Variants in TSC2 observed in about 807,000 individuals in gnomAD.
TSC2 encodes the protein tuberin.
In TSC2, 29 loss-of-function variants were observed where a neutral mutation model predicts 202.2. The observed-to-expected ratio is 0.14, with a 90% CI of 0.11 to 0.20. The LOEUF (loss-of-function observed/expected upper bound fraction) is 0.20, where lower values mean the gene tolerates loss of function less well. Among genes scored for constraint, TSC2 ranks in the 10% least tolerant of loss-of-function variants. TSC2 has a pLI of 1.00. For synonymous variants in TSC2, 1,349 were observed against 1,044.0 expected (o/e 1.29, Z -5.63); for missense variants, 2,429 against 2,420.0 (o/e 1.00, Z -0.08).
chr16:2,084,329 G>C lies in TSC2; in HGVS notation c.4107G>C (p.Arg1369=), dbSNP rs201688447. Residue 1369 remains arginine, a synonymous_variant, in exon 34 of 42, where the codon CGG becomes CGC. Coordinates refer to ENST00000219476, the MANE Select transcript of TSC2 (RefSeq NM_000548.5). ...GAGTCGTCTCCTCGGAGGGTGGCCG[G>C]CCCTCTGTGGACCTCTCCTTCCAGC... is the stretch of plus-strand genomic sequence containing the variant. ...IERVVSSEGG[R]PSVDLSFQPS... 1.3e-5 allele frequency: 21 copies of C among 1,612,576 alleles called. No individual in the cohort carries two copies. The Admixed American group carries it at 3.5e-4, about 27-fold the overall frequency.
At chr16:2,084,910 C>T (rs767398221) in intron 34 of TSC2, 41 bp from the exon 35 acceptor site, 2 of 1,611,590 alleles carry the variant, frequency 1.2e-6, no homozygotes, top group East Asian at 2.2e-5. Context: ...CTGCCCTGGC[C>T]AGGCCCTCAC....
At position 2,079,075 on chromosome 16, in the gene TSC2, G is replaced by C. The variant is rs2151431461; in HGVS notation, c.3010G>C (p.Asp1004His). ...SLTSASLGSADENSVAQADDS... is the reference protein window; with the variant it reads ...SLTSASLGSAHENSVAQADDS... ...CACCAGTGCCAGCTTGGGGTCTGCA[G>C]ATGAGAACTCCGTGGCCCAGGCTGA... is the stretch of plus-strand genomic sequence containing the variant. Residue 1004 changes from aspartate (D) to histidine (H), a missense_variant, in exon 27 of 42, where the codon GAT becomes CAT. Coordinates refer to ENST00000219476, the MANE Select transcript of TSC2 (RefSeq NM_000548.5). This position sits in a 1 kb window ranked among gnomAD's most constrained non-coding sequence, Gnocchi z 4.6. 6.2e-7 allele frequency: 1 copy of C among 1,613,006 alleles called. No individual in the cohort carries two copies. The highest frequency in any genetic ancestry group is 8.5e-7 in the Non-Finnish European group (1 of 1,180,030).
chr16:2,086,495 C>G, intron 37 of TSC2, 116 bp downstream of exon 37: 1 of 1,465,446 alleles, frequency 6.8e-7, no homozygotes, highest in Non-Finnish European at 9.3e-7. Context: ...TGCTCCAGCT[C>G]CCCACGCCTC....
chr16:2,063,239 C>G, intron 14 of TSC2, 186 bp downstream of exon 14: 1 of 728,608 alleles, frequency 1.4e-6, no homozygotes, highest in Non-Finnish European at 2.3e-6. Context: ...TCCTGGGTGC[C>G]TCTGCCAGGC....
intron 6 of TSC2, 121 bp downstream of exon 6, chr16:2,055,640 C>T: frequency 1.0e-6 from 1 of 984,668 alleles, no homozygotes; most frequent in East Asian, 2.4e-5. Context: ...CGCCTGTAAT[C>T]TCAGCACTTT....
In TSC2 at chr16:2,062,484, C is replaced by G; in HGVS notation, c.1258-13C>G. The G allele has an allele frequency of 6.2e-7, 1 of 1,604,266 alleles. No individual in the cohort carries two copies. Among genetic ancestry groups the G allele is most frequent in the Non-Finnish European group, 8.5e-7 (1 of 1,174,720 alleles). On this transcript the variant is annotated splice_polypyrimidine_tract_variant and intron_variant, in intron 12 of 41. Coordinates refer to ENST00000219476, the MANE Select transcript of TSC2 (RefSeq NM_000548.5). ...GAGGGGCAGAGGGGCAACACCGGCT[C>G]TTCTTTTGACAGGAGTCCTCCCTCC...
chr16:2,075,525 CAAAAAAAAAAAAA>C (rs933350142), intron 22 of TSC2, among the ~76,000 whole-genome samples: 4 of 27,304 alleles, frequency 1.5e-4, no homozygotes, highest in South Asian at 2.5e-3. Context: ...AGACTCATCT[CAAAAAAAAAAAAA>C]AAAAAAAAAA....
Position 2,082,463 on chromosome 16 carries a change from C to A in TSC2, c.3842C>A (p.Ser1281Tyr). The stretch of plus-strand genomic sequence containing the variant: ...GCCTCTTTCTCCTCCCTGTACCAGT[C>A]CAGCTGCCAAGGACAGCTGCACAGG... ...TVASFSSLYQSSCQGQLHRSV... is the reference protein window; with the variant it reads ...TVASFSSLYQYSCQGQLHRSV... The change falls in exon 32 of 42, where the codon TCC becomes TAC. Residue 1281 changes from serine to tyrosine, a missense_variant. By Grantham distance (144) the Ser-to-Tyr change is moderately radical (BLOSUM62 -2). Coordinates refer to ENST00000219476, the MANE Select transcript of TSC2 (RefSeq NM_000548.5). 1 of 1,612,518 alleles carries A rather than the reference C, an allele frequency of 6.2e-7. No individual in the cohort carries two copies. The highest frequency in any genetic ancestry group is 8.5e-7 in the Non-Finnish European group (1 of 1,180,012).
intron 2 of TSC2, among the ~76,000 whole-genome samples, chr16:2,050,074 C>T (rs2084912413): frequency 6.6e-6 from 1 of 151,312 alleles, no homozygotes; most frequent in Non-Finnish European, 1.5e-5. Context: ...TCCTGCCTCA[C>T]TCTCCCGAGT....
intron 32 of TSC2, 123 bp downstream of exon 32, chr16:2,082,627 T>C (rs1347878587): frequency 9.1e-7 from 1 of 1,103,356 alleles, no homozygotes; most frequent in African/African-American, 1.5e-5. Context: ...GGGGAGCAGG[T>C]CCCGACTCGC....
rs947736117 is a variant in TSC2 at position 2,082,418 on chromosome 16, C to G, written c.3815-18C>G. On this transcript the variant is annotated intron_variant, in intron 31 of 41. Transcript: ENST00000219476. ...CCCTCCTCCTGCTGACGTGGCCGCA[C>G]ACGGCCTTCCCTTGCAGTGGCCTCT... 6.2e-7 allele frequency: 1 copy of G among 1,612,432 alleles called. No homozygotes were observed. The highest frequency in any genetic ancestry group is 8.5e-7 in the Non-Finnish European group (1 of 1,179,938).
In TSC2 at chr16:2,062,019, C is replaced by T. The variant is rs2086702390; in HGVS notation, c.1257+11C>T. ...GCGGACCAGAGGCCTGTGAGACCCC[C>T]TCCTGGGTGGGGCCTTTGGGCTTTG... On this transcript the variant is annotated intron_variant, in intron 12 of 41. Transcript: ENST00000219476. 1 of 1,614,034 alleles carries T rather than the reference C, an allele frequency of 6.2e-7. No homozygotes were observed. The highest frequency in any genetic ancestry group is 8.5e-7 in the Non-Finnish European group (1 of 1,179,998).
chr16:2,069,817 G>T (rs1442257273), intron 16 of TSC2, among the ~76,000 whole-genome samples: 1 of 152,112 alleles, frequency 6.6e-6, no homozygotes, highest in Non-Finnish European at 1.5e-5. Flanking sequence ...CTTTCTCCAT[G>T]TAGGTCAGGC....
intron 14 of TSC2, 77 bp from the exon 15 acceptor site, chr16:2,064,195 T>A (rs928564433): frequency 1.2e-6 from 2 of 1,610,072 alleles, no homozygotes; most frequent in Non-Finnish European, 1.7e-6. Flanking sequence ...GCGGGTCGGT[T>A]CCTGAGGAAT....
chr16:2,084,554 C>T lies in TSC2; in HGVS notation c.4332C>T (p.Pro1444=), dbSNP rs373973956. The part of the protein sequence containing the change: ...GEDSRGQPEG[P]LPSSSPRSPS... ...ACAGTCGGGGCCAGCCCGAGGGTCC[C>T]TTGCCTTCCAGCTCCCCCCGCTCGC... The change falls in exon 34 of 42, where the codon CCC becomes CCT. Residue 1444 remains proline, a synonymous_variant. Transcript: ENST00000219476. 12 of 1,608,988 alleles carry T rather than the reference C, an allele frequency of 7.5e-6. No individual in the cohort carries two copies. In the African/African-American group the frequency reaches 1.3e-4, roughly 18 times the overall value.
At chr16:2,075,694 T>A in intron 22 of TSC2, 105 bp from the exon 23 acceptor site, 4 of 1,257,066 alleles carry the variant, frequency 3.2e-6, no homozygotes, top group Non-Finnish European at 4.5e-6. Flanking sequence ...TGGCCTTCTC[T>A]CCTCTGCAGC....
chr16:2,058,492 T>C (rs2086185859), intron 9 of TSC2, among the ~76,000 whole-genome samples: 1 of 152,234 alleles, frequency 6.6e-6, no homozygotes, highest in Non-Finnish European at 1.5e-5. Context: ...CCATCCCTCT[T>C]GCCTGCTTCC....
At chr16:2,071,394 C>G in intron 17 of TSC2, 116 bp from the exon 18 acceptor site, 1 of 963,476 alleles carries the variant, frequency 1.0e-6, no homozygotes, top group African/African-American at 1.6e-5. Flanking sequence ...TGCACATCAG[C>G]AGGTGGCCTT....
At chr16:2,063,766 A>G (rs561491450) in intron 14 of TSC2, 1 of 218,880 alleles carries the variant, frequency 4.6e-6, no homozygotes, top group Non-Finnish European at 9.2e-6. Flanking sequence ...GGCTTCTCCC[A>G]TCAGGGCTGG....
Sources: gnomAD v4.1 joint callset for allele counts (sites outside exome capture counted in the v4.1 genomes callset) on GRCh38, gnomAD v4.1.1 for gene constraint, Gnocchi (gnomAD v3.1) non-coding constraint, MANE v1.5 for transcripts, NCBI Gene and HGNC (gene_info 2026-07-23, HGNC 2026-07-21) for gene names.